The following ATP2B1 variants were observed in gnomAD, a reference collection of about 807,000 sequenced individuals.
The protein encoded by ATP2B1 is plasma membrane calcium-transporting ATPase 1.
In ATP2B1, 14 loss-of-function variants were observed where a neutral mutation model predicts 124.2. The observed-to-expected ratio is 0.11, with a 90% CI of 0.07 to 0.18. The LOEUF is 0.18. Ranked by LOEUF, ATP2B1 falls within the 10% of genes least tolerant of loss-of-function variation. The pLI is 1.00. For synonymous variants in ATP2B1, 449 were observed against 492.4 expected (o/e 0.91, Z 1.17); for missense variants, 763 against 1,466.1 (o/e 0.52, Z 7.83).
At chr12:89,652,901 T>C (rs1885439408) in intron 2 of ATP2B1, among the ~76,000 whole-genome samples, 1 of 152,114 alleles carries the variant, frequency 6.6e-6, no homozygotes, top group Non-Finnish European at 1.5e-5. Context: ...GTGGTTAATC[T>C]TTTTATTTGC....
At chr12:89,709,017 C>A (rs12369944), upstream of ATP2B1, 13,040 of 151,298 alleles carry the variant, frequency 0.086, 772 homozygotes, top group Admixed American at 0.17. Flanking sequence ...GGCCTCACGC[C>A]GCCGTCCGCA....
intron 9 of ATP2B1, among the ~76,000 whole-genome samples, chr12:89,623,257 T>C (rs1325697769): frequency 6.6e-6 from 1 of 152,056 alleles, no homozygotes; most frequent in Non-Finnish European, 1.5e-5. Flanking sequence ...AATTAACATT[T>C]GAAAATTTAC....
intron 20 of ATP2B1, chr12:89,593,704 A>G (rs1213775476): frequency 6.6e-6 from 1 of 152,102 alleles, no homozygotes; most frequent in Non-Finnish European, 1.5e-5. Context: ...AATCACACAC[A>G]TACACCGGTG....
chr12:89,703,677 C>T (rs1417195369), intron 1 of ATP2B1, among the ~76,000 whole-genome samples: 1 of 152,072 alleles, frequency 6.6e-6, no homozygotes, highest in African/African-American at 2.4e-5. Context: ...GTTTACAGTG[C>T]TTAATAAGTA....
chr12:89,623,417 A>G (rs147244962), intron 9 of ATP2B1, among the ~76,000 whole-genome samples: 1 of 152,264 alleles, frequency 6.6e-6, no homozygotes, highest in East Asian at 1.9e-4. Context: ...AAATAAATTA[A>G]TAATCTTCAA....
intron 1 of ATP2B1, among the ~76,000 whole-genome samples, chr12:89,706,050 CCTTATA>C (rs1220733458): frequency 6.6e-6 from 1 of 152,172 alleles, no homozygotes; most frequent in Non-Finnish European, 1.5e-5. Context: ...AGACAGTGTT[CCTTATA>C]CTTATGATTT....
intron 5 of ATP2B1, among the ~76,000 whole-genome samples, chr12:89,633,063 T>C (rs1227876668): frequency 1.3e-5 from 2 of 152,218 alleles, no homozygotes; most frequent in African/African-American, 2.4e-5. Flanking sequence ...TAATCTGTGA[T>C]GGTAAGGTAT....
At chr12:89,681,121 A>T (rs1223815812) in intron 1 of ATP2B1, among the ~76,000 whole-genome samples, 4 of 152,190 alleles carry the variant, frequency 2.6e-5, no homozygotes, top group Non-Finnish European at 5.9e-5. Context: ...AGTTAATCGT[A>T]GGACTAAAAC....
Position 89,616,898 on chromosome 12 carries a change from T to C in ATP2B1, c.1971A>G (p.Ala657=), listed in dbSNP as rs140709131. The C allele has an allele frequency of 1.9e-6, 3 of 1,614,034 alleles. No homozygotes were observed. The highest frequency in any genetic ancestry group is 2.5e-6 in the Non-Finnish European group (3 of 1,179,994). The part of the protein sequence containing the change: ...TICLAFRDFP[A]GEPEPEWDNE... ...TATCCCACTCTGGTTCTGGTTCTCC[T>C]GCTGGAAAATCTCTGAATGCAAGAC... Residue 657 remains alanine, a synonymous_variant, in exon 12 of 21, where the codon GCA becomes GCG. Transcript: ENST00000428670.
intron 2 of ATP2B1, among the ~76,000 whole-genome samples, chr12:89,653,301 T>C (rs1049947136): frequency 8.4e-5 from 12 of 142,370 alleles, no homozygotes; most frequent in Non-Finnish European, 1.5e-4. Flanking sequence ...TTTTTTTTTT[T>C]TTTTTTGAGA....
chr12:89,612,717 A>T (rs1878245556), intron 12 of ATP2B1, among the ~76,000 whole-genome samples: 1 of 152,206 alleles, frequency 6.6e-6, no homozygotes, highest in African/African-American at 2.4e-5. Context: ...GTCTACCTAG[A>T]CAAAACTGCA....
chr12:89,663,254 C>G (rs1302658058), intron 1 of ATP2B1, among the ~76,000 whole-genome samples: 1 of 152,070 alleles, frequency 6.6e-6, no homozygotes, highest in African/African-American at 2.4e-5. Context: ...TCTTGGTATG[C>G]CAGATATATT....
chr12:89,663,590 C>T (rs1886957644), intron 1 of ATP2B1, among the ~76,000 whole-genome samples: 1 of 152,106 alleles, frequency 6.6e-6, no homozygotes, highest in South Asian at 2.1e-4. Context: ...CACTTAACTC[C>T]ACATCTAACT....
intron 1 of ATP2B1, among the ~76,000 whole-genome samples, chr12:89,701,017 T>C (rs1377974451): frequency 6.6e-6 from 1 of 152,242 alleles, no homozygotes; most frequent in African/African-American, 2.4e-5. Context: ...ACTCTATGTA[T>C]CACTCAGACA....
At chr12:89,593,217 T>A (rs541225070) in intron 20 of ATP2B1, 1 of 152,222 alleles carries the variant, frequency 6.6e-6, no homozygotes, top group South Asian at 2.1e-4. Context: ...ATTTTATACA[T>A]GTGAACATTC....
chr12:89,641,307 T>C (rs1307305829), intron 3 of ATP2B1, among the ~76,000 whole-genome samples: 2 of 152,192 alleles, frequency 1.3e-5, no homozygotes, highest in African/African-American at 4.8e-5. Context: ...TACCACGCTA[T>C]AATGTATTTC....
intron 1 of ATP2B1, among the ~76,000 whole-genome samples, chr12:89,700,412 C>T (rs1891701709): frequency 2.6e-5 from 4 of 151,970 alleles, no homozygotes; most frequent in African/African-American, 9.7e-5. Context: ...CACTTAAGTA[C>T]CTTAAGTTCA....
intron 9 of ATP2B1, 148 bp from the exon 10 acceptor site, chr12:89,621,939 T>TA (rs941211681): frequency 1.6e-5 from 6 of 379,398 alleles, no homozygotes; most frequent in Non-Finnish European, 2.3e-5. Context: ...AATACTGAAA[T>TA]TTTTTTTTTT....
At chr12:89,658,364 C>T (rs890894744) in intron 1 of ATP2B1, among the ~76,000 whole-genome samples, 44 of 152,196 alleles carry the variant, frequency 2.9e-4, no homozygotes, top group African/African-American at 8.7e-4. Flanking sequence ...AGCCAGATAA[C>T]TGGAGGACTC....
Sources: allele counts gnomAD v4.1 joint callset (sites outside exome capture counted in the v4.1 genomes callset), GRCh38; gene constraint gnomAD v4.1.1; transcripts MANE v1.5; gene names NCBI Gene and HGNC (gene_info 2026-07-23, HGNC 2026-07-21).